TENM1: variants seen among roughly 807,000 people sequenced by gnomAD.
TENM1 encodes the protein teneurin-1.
TENM1 carries 35 observed loss-of-function variants against 174.8 expected under a neutral mutation model. The observed-to-expected ratio is 0.20, with a 90% CI of 0.15 to 0.27. The LOEUF (loss-of-function observed/expected upper bound fraction) is 0.27. Among genes scored for constraint, TENM1 ranks in the 10% least tolerant of loss-of-function variants. The pLI is 1.00. For missense variants in TENM1, 1,633 were observed against 2,130.1 expected (o/e 0.77, Z 4.59); for synonymous variants, 781 against 798.7 (o/e 0.98, Z 0.37).
chrX:124,940,472 G>A (rs776980790), intron 1 of TENM1, among the ~76,000 whole-genome samples: 1 of 111,479 alleles, frequency 9.0e-6, no homozygotes, highest in Non-Finnish European at 1.9e-5. Flanking sequence ...CCTTTCTACA[G>A]TTTGCTATTC....
At chrX:124,548,673 G>C (rs1179397046) in intron 14 of TENM1, among the ~76,000 whole-genome samples, 1 of 111,585 alleles carries the variant, frequency 9.0e-6, no homozygotes, top group Non-Finnish European at 1.9e-5. Flanking sequence ...AGGAAGGTTC[G>C]GATGGATCAC....
the TENM1 span, among the ~76,000 whole-genome samples, chrX:125,107,287 A>C: frequency 8.9e-6 from 1 of 112,152 alleles, no homozygotes; most frequent in East Asian, 2.8e-4. Flanking sequence ...ATTTTTCCTA[A>C]ATTTAAAAAT....
intron 3 of TENM1, among the ~76,000 whole-genome samples, chrX:124,839,052 C>T (rs1357340320): frequency 3.6e-5 from 4 of 111,205 alleles, no homozygotes; most frequent in Non-Finnish European, 5.7e-5. Flanking sequence ...TTGAATGTCT[C>T]TCAGCAGAGG....
the TENM1 span, among the ~76,000 whole-genome samples, chrX:125,097,579 AG>A: frequency 8.9e-6 from 1 of 112,411 alleles, no homozygotes; most frequent in Non-Finnish European, 1.9e-5. Context: ...CACAAATCAA[AG>A]CCCCACTGAT....
At chrX:125,008,586 C>A in the TENM1 span, among the ~76,000 whole-genome samples, 4 of 112,449 alleles carry the variant, frequency 3.6e-5, no homozygotes, top group Non-Finnish European at 5.6e-5. Flanking sequence ...ATACATTCTT[C>A]TCAGTGCCAC....
At chrX:124,650,231 AAG>A (rs1299893284) in intron 8 of TENM1, among the ~76,000 whole-genome samples, 2 of 107,304 alleles carry the variant, frequency 1.9e-5, no homozygotes, top group Non-Finnish European at 3.8e-5. Flanking sequence ...AAAAAAAAGA[AAG>A]AGGAGAATTT....
chrX:124,923,387 T>G (rs1271181855), intron 1 of TENM1, among the ~76,000 whole-genome samples: 1 of 112,003 alleles, frequency 8.9e-6, no homozygotes, highest in Non-Finnish European at 1.9e-5. Flanking sequence ...ATATATGTAC[T>G]TAGCTAAAAT....
chrX:125,080,627 A>T, the TENM1 span, among the ~76,000 whole-genome samples: 2 of 111,032 alleles, frequency 1.8e-5, no homozygotes, highest in Non-Finnish European at 3.8e-5. Context: ...TATTCCTGAA[A>T]ATATAAAATA....
chrX:125,001,972 C>A, the TENM1 span, among the ~76,000 whole-genome samples: 9 of 85,746 alleles, frequency 1.0e-4, no homozygotes, highest in Admixed American at 1.2e-3. Context: ...CACACACACA[C>A]AAGATCAAGT....
At chrX:124,979,012 C>T in the TENM1 span, among the ~76,000 whole-genome samples, 2 of 112,224 alleles carry the variant, frequency 1.8e-5, no homozygotes, top group Non-Finnish European at 3.8e-5. Context: ...ACTGTAACAT[C>T]TACCAACAAT....
intron 3 of TENM1, among the ~76,000 whole-genome samples, chrX:124,780,141 C>G (rs761656965): frequency 1.8e-5 from 2 of 111,655 alleles, no homozygotes; most frequent in Non-Finnish European, 3.8e-5. Context: ...ACATATGAGG[C>G]TAGACAGAAA....
intron 11 of TENM1, among the ~76,000 whole-genome samples, chrX:124,610,988 T>C (rs1173478813): frequency 9.0e-6 from 1 of 111,050 alleles, no homozygotes; most frequent in Non-Finnish European, 1.9e-5. Flanking sequence ...GACTCTTAGC[T>C]TCAGACTCTT....
chrX:124,706,501 T>G (rs1369711432), intron 4 of TENM1, among the ~76,000 whole-genome samples: 1 of 111,549 alleles, frequency 9.0e-6, no homozygotes, highest in African/African-American at 3.3e-5. Flanking sequence ...CTATTCTGCA[T>G]GTTTTTGCCA....
chrX:125,174,324 A>C, the TENM1 span, among the ~76,000 whole-genome samples: 2 of 111,887 alleles, frequency 1.8e-5, no homozygotes, highest in Admixed American at 1.9e-4. Flanking sequence ...AAAAAGGTAG[A>C]GGGAGAAAAA....
chrX:125,018,421 A>G, the TENM1 span, among the ~76,000 whole-genome samples: 3 of 111,637 alleles, frequency 2.7e-5, no homozygotes, highest in African/African-American at 9.8e-5. Context: ...AAAATTTATG[A>G]CATTAAAATG....
At chrX:124,477,465 T>C (rs1339567754) in intron 22 of TENM1, among the ~76,000 whole-genome samples, 1 of 111,697 alleles carries the variant, frequency 9.0e-6, no homozygotes, top group South Asian at 3.8e-4. Context: ...TTCCCAGAGA[T>C]CATAGATTTT....
At chrX:124,893,467 T>C (rs925849098) in intron 3 of TENM1, among the ~76,000 whole-genome samples, 2 of 112,466 alleles carry the variant, frequency 1.8e-5, no homozygotes, top group East Asian at 5.6e-4. Flanking sequence ...AATTTTGAAA[T>C]GCTAATCCAA....
the TENM1 span, among the ~76,000 whole-genome samples, chrX:125,106,824 C>G: frequency 3.6e-5 from 4 of 112,111 alleles, no homozygotes; most frequent in East Asian, 1.1e-3. Flanking sequence ...ATCACTGAGG[C>G]CTTTCATTTC....
At chrX:124,408,136 T>A (rs1349573412) in intron 25 of TENM1, among the ~76,000 whole-genome samples, 2 of 110,243 alleles carry the variant, frequency 1.8e-5, no homozygotes, top group Non-Finnish European at 3.8e-5. Flanking sequence ...TCCAGCCTTT[T>A]TTAAAAAAAA....
Sources: gnomAD v4.1 joint callset for allele counts (sites outside exome capture counted in the v4.1 genomes callset) on GRCh38, gnomAD v4.1.1 for gene constraint, MANE v1.5 for transcripts, NCBI Gene and HGNC (gene_info 2026-07-23, HGNC 2026-07-21) for gene names.